The following RGS9 variants were observed in gnomAD, a reference collection of about 807,000 sequenced individuals.
The protein encoded by RGS9 is regulator of G-protein signalling 9.
RGS9 carries 78 observed loss-of-function variants against 102.0 expected under a neutral mutation model. The observed-to-expected ratio is 0.76, with a 90% CI of 0.64 to 0.92. RGS9 has a LOEUF of 0.92. Ranked by LOEUF, RGS9 falls within the 40% of genes least tolerant of loss-of-function variation. The probability of loss-of-function intolerance (pLI) is 0.00; values close to 1 mark genes in which losing one functional copy is unlikely to be tolerated. For missense variants in RGS9, 833 were observed against 866.1 expected (o/e 0.96, Z 0.48); for synonymous variants, 353 against 318.6 (o/e 1.11, Z -1.15).
intron 8 of RGS9, among the ~76,000 whole-genome samples, chr17:65,169,362 C>T (rs1443533157): frequency 1.3e-5 from 2 of 152,200 alleles, no homozygotes; most frequent in Admixed American, 6.5e-5. Context: ...AACCAGTTTA[C>T]AGATGCCTGA....
intron 6 of RGS9, among the ~76,000 whole-genome samples, chr17:65,162,760 C>T (rs1343315150): frequency 6.6e-6 from 1 of 152,152 alleles, no homozygotes; most frequent in Non-Finnish European, 1.5e-5. Context: ...TGAGCCACCA[C>T]GCCTGGCCGG....
intron 8 of RGS9, among the ~76,000 whole-genome samples, chr17:65,175,165 A>AGG (rs1255181999): frequency 9.3e-5 from 14 of 150,576 alleles, no homozygotes; most frequent in African/African-American, 3.2e-4. Flanking sequence ...GAGTATGTGT[A>AGG]GGTGTGTGCA....
chr17:65,184,901 G>A (rs1049735658), intron 9 of RGS9, among the ~76,000 whole-genome samples: 2 of 142,934 alleles, frequency 1.4e-5, no homozygotes, highest in African/African-American at 5.4e-5. Context: ...ACAAGGTCTT[G>A]TTCTGTCACC....
At position 65,203,978 on chromosome 17, in the gene RGS9, T is replaced by G. The variant is rs72850400; in HGVS notation, c.1065-185T>G. The stretch of plus-strand genomic sequence containing the variant: ...CATATTCCCAATACTGGAAGTTTCT[T>G]GCTTCAAGGAAAAATTGCTTGACAA... On this transcript the variant is annotated intron_variant, in intron 14 of 18. Transcript: ENST00000262406. Among the ~76,000 whole-genome samples the G allele has an allele frequency of 7.8e-3, 1,183 of 152,276 alleles. 10 individuals are homozygous for G. Among genetic ancestry groups the G allele is most frequent in the Non-Finnish European group, 0.012 (822 of 68,014 alleles).
intron 8 of RGS9, among the ~76,000 whole-genome samples, chr17:65,170,216 G>A (rs977574436): frequency 4.6e-5 from 7 of 151,908 alleles, no homozygotes; most frequent in South Asian, 2.1e-4. Context: ...CACCATGTCC[G>A]GCTAATTTTG....
At chr17:65,196,300 A>G (rs1413745386) in intron 12 of RGS9, among the ~76,000 whole-genome samples, 1 of 152,204 alleles carries the variant, frequency 6.6e-6, no homozygotes, top group Non-Finnish European at 1.5e-5. Context: ...GGCATGCTTT[A>G]TCTTGGATCC....
At chr17:65,213,059 T>C (rs1025230162) in intron 17 of RGS9, among the ~76,000 whole-genome samples, 2 of 152,336 alleles carry the variant, frequency 1.3e-5, no homozygotes, top group Non-Finnish European at 2.9e-5. Flanking sequence ...TCATGTAGCC[T>C]TGGACAAGTC....
chr17:65,182,459 C>G lies in RGS9; in HGVS notation c.654+4656C>G, dbSNP rs532818228. On this transcript the variant is annotated intron_variant, in intron 9 of 18. Coordinates refer to ENST00000262406, the MANE Select transcript of RGS9 (RefSeq NM_003835.4). ...CAGGCCGAGAGAGAGGGTGGCTCCC[C>G]CAAGGACACACAGCTGAGAAGTGGT... Among the ~76,000 whole-genome samples the G allele has an allele frequency of 7.9e-5, 12 of 152,348 alleles. 1 individual carries two copies. The South Asian group carries it at 2.1e-3, about 26-fold the overall frequency.
rs768922920 is a variant in RGS9, at chr17:65,227,494, G to A, written c.*87G>A. On this transcript the variant is annotated 3_prime_UTR_variant, in exon 19 of 19. Transcript: ENST00000262406. ...TATGGGCCACAGGACACACTTGCTC[G>A]AGAACCAAAGTGCATTTGGGTGACA... 1.8e-4 allele frequency: 268 copies of A among 1,516,178 alleles called. No individual in the cohort carries two copies. Among genetic ancestry groups the A allele is most frequent in the Non-Finnish European group, 2.2e-4 (246 of 1,116,358 alleles). 93.9% of individuals were successfully genotyped at this position (1,516,178 alleles called of 1,614,324 possible).
chr17:65,161,091 C>G (rs999254947), intron 6 of RGS9, among the ~76,000 whole-genome samples, 182 bp downstream of exon 6: 1 of 152,208 alleles, frequency 6.6e-6, no homozygotes, highest in Non-Finnish European at 1.5e-5. Context: ...AATTCTTTCT[C>G]ATGTCTAACT....
At chr17:65,224,170 A>C (rs1217237964) in intron 17 of RGS9, among the ~76,000 whole-genome samples, 2 of 152,224 alleles carry the variant, frequency 1.3e-5, no homozygotes, top group African/African-American at 2.4e-5. Context: ...GATAGCAGAC[A>C]GGCTCACTGA....
At chr17:65,206,501 A>T (rs1913068761) in intron 15 of RGS9, among the ~76,000 whole-genome samples, 1 of 152,122 alleles carries the variant, frequency 6.6e-6, no homozygotes, top group Non-Finnish European at 1.5e-5. Context: ...AACATGGTGA[A>T]ACCCCGTCTC....
At chr17:65,201,122 C>T (rs953376456) in intron 13 of RGS9, among the ~76,000 whole-genome samples, 9 of 151,640 alleles carry the variant, frequency 5.9e-5, no homozygotes, top group African/African-American at 2.2e-4. Flanking sequence ...CACACACAGA[C>T]ACACACACAC....
rs545413811 is a variant in RGS9, at chr17:65,203,549, T to C, written c.1065-614T>C. On this transcript the variant is annotated intron_variant, in intron 14 of 18. Transcript: ENST00000262406. ...AAATATTCATATGAGTATTTCTAAT[T>C]CAGCAACAGCTCAGAACTGGAAATA... is the stretch of plus-strand genomic sequence containing the variant. Among the ~76,000 whole-genome samples, 3 of 152,336 alleles carry C rather than the reference T, an allele frequency of 2.0e-5. No homozygotes were observed. In the South Asian group the frequency reaches 6.2e-4, roughly 32 times the overall value.
intron 9 of RGS9, among the ~76,000 whole-genome samples, chr17:65,186,162 TTTTATTTA>T (rs60422854): frequency 0.067 from 9,308 of 137,962 alleles, 350 homozygotes; most frequent in African/African-American, 0.087. Flanking sequence ...TTGGTTTACA[TTTTATTTA>T]TTTATTTATT....
At chr17:65,223,393 G>A (rs1905448208) in intron 17 of RGS9, among the ~76,000 whole-genome samples, 1 of 152,232 alleles carries the variant, frequency 6.6e-6, no homozygotes, top group African/African-American at 2.4e-5. Context: ...TCAGGGAGCT[G>A]GTGGGAAGGA....
intron 11 of RGS9, among the ~76,000 whole-genome samples, chr17:65,192,613 CAAA>C (rs67234329): frequency 2.1e-4 from 27 of 127,126 alleles, no homozygotes; most frequent in Middle Eastern, 4.2e-3. Context: ...GACAATGTCT[CAAA>C]AAAAAAAAAA....
chr17:65,143,394 G>A (rs1478454216), intron 1 of RGS9, among the ~76,000 whole-genome samples: 1 of 152,186 alleles, frequency 6.6e-6, no homozygotes, highest in Non-Finnish European at 1.5e-5. Flanking sequence ...ATGTTCCACG[G>A]AGGCAGGATT....
At chr17:65,213,637 T>C (rs551044406) in intron 17 of RGS9, among the ~76,000 whole-genome samples, 1 of 152,184 alleles carries the variant, frequency 6.6e-6, no homozygotes, top group Non-Finnish European at 1.5e-5. Flanking sequence ...TTGTGTCTTG[T>C]TCATCTTTGG....
Sources: gnomAD v4.1 joint callset for allele counts (sites outside exome capture counted in the v4.1 genomes callset) on GRCh38, gnomAD v4.1.1 for gene constraint, MANE v1.5 for transcripts, NCBI Gene and HGNC (gene_info 2026-07-23, HGNC 2026-07-21) for gene names.